CD58: variants seen among roughly 807,000 people sequenced by gnomAD.
The protein encoded by CD58 is lymphocyte function-associated antigen 3.
CD58 carries 14 observed loss-of-function variants against 27.6 expected under a neutral mutation model. That is an observed-to-expected ratio of 0.51 (90% CI 0.34 to 0.79). CD58 has a LOEUF of 0.79. Ranked by LOEUF, CD58 falls within the 30% of genes least tolerant of loss-of-function variation. CD58 has a pLI of 0.02. For synonymous variants in CD58, 117 were observed against 103.8 expected (o/e 1.13, Z -0.77); for missense variants, 268 against 301.7 (o/e 0.89, Z 0.83).
At position 116,559,706 on chromosome 1, in the gene CD58, C is replaced by T. The variant is rs1016940923; in HGVS notation, c.70+11197G>A. Among the ~76,000 whole-genome samples the T allele has an allele frequency of 1.3e-5, 2 of 152,148 alleles. No individual in the cohort carries two copies. Among genetic ancestry groups the T allele is most frequent in the Non-Finnish European group, 1.5e-5 (1 of 68,038 alleles). On this transcript the variant is annotated intron_variant, in intron 1 of 5. Coordinates refer to ENST00000369489, the MANE Select transcript of CD58 (RefSeq NM_001779.3). This position sits in a 1 kb window ranked among gnomAD's most constrained non-coding sequence, Gnocchi z 4.4. ...GCTCTCAGCTGTCAATCTGCCTCCT[C>T]GATAAGTTCATCAAGAATTAAGATG...
chr1:116,543,835 T>G (rs1658069644), intron 2 of CD58, among the ~76,000 whole-genome samples: 1 of 152,074 alleles, frequency 6.6e-6, no homozygotes, highest in Non-Finnish European at 1.5e-5. Flanking sequence ...GACAGTAAAA[T>G]CACTTTGAAC....
chr1:116,552,688 A>G lies in CD58; in HGVS notation c.71-8084T>C, dbSNP rs1658431743. ...CTTTATTCTTTTTAATAACTACATA[A>G]TATTCCAGAGCATGAGGGAACCATA... is the stretch of plus-strand genomic sequence containing the variant. On this transcript the variant is annotated intron_variant, in intron 1 of 5. Transcript: ENST00000369489. The surrounding 1 kb of genome is among the most constrained non-coding windows in gnomAD (Gnocchi z 4.5). Among the ~76,000 whole-genome samples, 1 of 152,164 alleles carries G rather than the reference A, an allele frequency of 6.6e-6. No individual in the cohort carries two copies. Among genetic ancestry groups the G allele is most frequent in the Non-Finnish European group, 1.5e-5 (1 of 68,028 alleles).
rs149194563 is a variant in CD58, at chr1:116,536,896, A to G, written c.365-668T>C. Among the ~76,000 whole-genome samples, 2 of 152,318 alleles carry G rather than the reference A, an allele frequency of 1.3e-5. No homozygotes were observed. Among genetic ancestry groups the G allele is most frequent in the Non-Finnish European group, 2.9e-5 (2 of 68,024 alleles). On this transcript the variant is annotated intron_variant, in intron 2 of 5. Coordinates refer to ENST00000369489, the MANE Select transcript of CD58 (RefSeq NM_001779.3). The surrounding 1 kb of genome is among the most constrained non-coding windows in gnomAD (Gnocchi z 5.4). ...AGCTGCAAATCCTGACCTGACCTGA[A>G]TTAACACAAGGATTTGAGTCTTTCT...
rs963863552 is a variant in CD58 at position 116,527,284 on chromosome 1, C to A, written c.629-5301G>T. On this transcript the variant is annotated intron_variant, in intron 3 of 5. Coordinates refer to ENST00000369489, the MANE Select transcript of CD58 (RefSeq NM_001779.3). This position sits in a 1 kb window ranked among gnomAD's most constrained non-coding sequence, Gnocchi z 4.4. ...TAGTTGGAAAGCTTCAAGTTTCTCA[C>A]CATTACAGATGATGTTAGCTGCAGG... Among the ~76,000 whole-genome samples the A allele has an allele frequency of 6.6e-6, 1 of 152,190 alleles. No individual in the cohort carries two copies. The highest frequency in any genetic ancestry group is 2.4e-5 in the African/African-American group (1 of 41,438).
At position 116,570,545 on chromosome 1, in the gene CD58, C is replaced by G. The variant is rs1414766216; in HGVS notation, c.70+358G>C. Among the ~76,000 whole-genome samples the G allele has an allele frequency of 6.6e-6, 1 of 152,030 alleles. No homozygotes were observed. The highest frequency in any genetic ancestry group is 1.5e-5 in the Non-Finnish European group (1 of 67,964). On this transcript the variant is annotated intron_variant, in intron 1 of 5. Transcript: ENST00000369489. This position sits in a 1 kb window ranked among gnomAD's most constrained non-coding sequence, Gnocchi z 6.4. Reference sequence around the variant, plus strand: ...GCGTTCACGGCTGGGAAAAATTTTGCAGTCCGCTGAAGCGCTCAGCGACGT... The same window carrying G: ...GCGTTCACGGCTGGGAAAAATTTTGGAGTCCGCTGAAGCGCTCAGCGACGT...
At chr1:116,562,253 T>C (rs1658780877) in intron 1 of CD58, among the ~76,000 whole-genome samples, 2 of 152,222 alleles carry the variant, frequency 1.3e-5, no homozygotes, top group South Asian at 2.1e-4. Flanking sequence ...ATGCAGATAG[T>C]TGGCAATAAA....
Position 116,536,232 on chromosome 1 carries a change from G to GA in CD58, c.365-5dup, listed in dbSNP as rs561957680. 3.1e-5 allele frequency: 49 copies of GA among 1,586,762 alleles called. No individual in the cohort carries two copies. The highest frequency in any genetic ancestry group is 3.4e-4 in the Middle Eastern group (2 of 5,942). On this transcript the variant is annotated splice_polypyrimidine_tract_variant and splice_region_variant and intron_variant, in intron 2 of 5. Coordinates refer to ENST00000369489, the MANE Select transcript of CD58 (RefSeq NM_001779.3). The surrounding 1 kb of genome is among the most constrained non-coding windows in gnomAD (Gnocchi z 5.4). ...AGTGTGGGAGATGGAAGAGACTCTG[G>GA]AAAAAAAAGTATAATATTTAGTACA...
chr1:116,561,907 G>C (rs1321793085), intron 1 of CD58, among the ~76,000 whole-genome samples: 2 of 152,214 alleles, frequency 1.3e-5, no homozygotes, highest in African/African-American at 4.8e-5. Context: ...TCCTGGCACA[G>C]AGCAGGTACT....
rs1200599562 is a variant in CD58, at chr1:116,559,780, C to T, written c.70+11123G>A. Among the ~76,000 whole-genome samples the T allele has an allele frequency of 6.6e-6, 1 of 152,172 alleles. No individual in the cohort carries two copies. The highest frequency in any genetic ancestry group is 6.5e-5 in the Admixed American group (1 of 15,282). ...TCTGTACTTTCCTTCTAATATGATG[C>T]TAAAATAGTTTCCTTTTTAATTCTT... On this transcript the variant is annotated intron_variant, in intron 1 of 5. Coordinates refer to ENST00000369489, the MANE Select transcript of CD58 (RefSeq NM_001779.3). The surrounding 1 kb of genome is among the most constrained non-coding windows in gnomAD (Gnocchi z 4.4).
In CD58 at chr1:116,527,599, C is replaced by T. The variant is rs1657469983; in HGVS notation, c.629-5616G>A. Reference sequence around the variant, plus strand: ...TTTGCTAATATTTTGTTTAAGGTTTCTACATGTATGTTCATGAGAAATATT... The same window carrying T: ...TTTGCTAATATTTTGTTTAAGGTTTTTACATGTATGTTCATGAGAAATATT... On this transcript the variant is annotated intron_variant, in intron 3 of 5. Transcript: ENST00000369489. The surrounding 1 kb of genome is among the most constrained non-coding windows in gnomAD (Gnocchi z 4.4). 6.6e-6 allele frequency among the ~76,000 whole-genome samples: 1 copy of T among 152,130 alleles called. No homozygotes were observed. Among genetic ancestry groups the T allele is most frequent in the Non-Finnish European group, 1.5e-5 (1 of 68,014 alleles).
intron 3 of CD58, among the ~76,000 whole-genome samples, chr1:116,525,894 G>A (rs868216820): frequency 1.2e-4 from 19 of 152,078 alleles, no homozygotes; most frequent in African/African-American, 2.7e-4. Context: ...CAGGTGATCC[G>A]CCTGCCTCGG....
chr1:116,558,128 C>G (rs1326476962), intron 1 of CD58, among the ~76,000 whole-genome samples: 1 of 134,826 alleles, frequency 7.4e-6, no homozygotes, highest in African/African-American at 2.8e-5. Context: ...CAGATTTTAG[C>G]AGGTAAAGTA....
rs986076614 is a variant in CD58 at position 116,570,408 on chromosome 1, T to C, written c.70+495A>G. ...CTCGCTGTGGGGCGATTCTGAAAAGTCCTCTCTGCTGATACGGCGGACGCC... is the reference window on the plus strand; with the variant it reads ...CTCGCTGTGGGGCGATTCTGAAAAGCCCTCTCTGCTGATACGGCGGACGCC... On this transcript the variant is annotated intron_variant, in intron 1 of 5. Coordinates refer to ENST00000369489, the MANE Select transcript of CD58 (RefSeq NM_001779.3). This position sits in a 1 kb window ranked among gnomAD's most constrained non-coding sequence, Gnocchi z 6.4. Among the ~76,000 whole-genome samples the C allele has an allele frequency of 6.6e-6, 1 of 152,024 alleles. No individual in the cohort carries two copies. Among genetic ancestry groups the C allele is most frequent in the Non-Finnish European group, 1.5e-5 (1 of 67,980 alleles).
At chr1:116,526,153 T>G (rs900059583) in intron 3 of CD58, among the ~76,000 whole-genome samples, 1 of 152,250 alleles carries the variant, frequency 6.6e-6, no homozygotes, top group African/African-American at 2.4e-5. Context: ...GCTTGGCTTC[T>G]CATTCTCTTG....
chr1:116,553,829 G>A (rs572277774), intron 1 of CD58, among the ~76,000 whole-genome samples: 2 of 152,186 alleles, frequency 1.3e-5, no homozygotes, highest in Non-Finnish European at 2.9e-5. Flanking sequence ...TTGGACCTGT[G>A]CTTTAAAGCT....
chr1:116,568,474 T>C (rs1012778870), intron 1 of CD58, among the ~76,000 whole-genome samples: 25 of 152,204 alleles, frequency 1.6e-4, no homozygotes, highest in African/African-American at 5.8e-4. Context: ...ACGACTTCCA[T>C]CACCCCTTTC....
intron 3 of CD58, among the ~76,000 whole-genome samples, chr1:116,529,791 T>C (rs930611288): frequency 2.6e-5 from 4 of 152,212 alleles, no homozygotes; most frequent in African/African-American, 9.7e-5. Context: ...GTCCTCAATC[T>C]TAACTGTCTC....
At position 116,563,331 on chromosome 1, in the gene CD58, G is replaced by A. The variant is rs1373934471; in HGVS notation, c.70+7572C>T. 6.6e-6 allele frequency among the ~76,000 whole-genome samples: 1 copy of A among 151,680 alleles called. No homozygotes were observed. The highest frequency in any genetic ancestry group is 2.0e-4 in the East Asian group (1 of 5,112). ...CATGAGCTGGCATTAAGTGTCTGTG[G>A]CTTTTCCAGGTACACGGTGCAAGCT... is the stretch of plus-strand genomic sequence containing the variant. On this transcript the variant is annotated intron_variant, in intron 1 of 5. Coordinates refer to ENST00000369489, the MANE Select transcript of CD58 (RefSeq NM_001779.3). This position sits in a 1 kb window ranked among gnomAD's most constrained non-coding sequence, Gnocchi z 4.1.
At position 116,534,530 on chromosome 1, in the gene CD58, G is replaced by T. The variant is rs1311095187; in HGVS notation, c.628+1435C>A. Among the ~76,000 whole-genome samples, 1 of 152,166 alleles carries T rather than the reference G, an allele frequency of 6.6e-6. No individual in the cohort carries two copies. Among genetic ancestry groups the T allele is most frequent in the East Asian group, 1.9e-4 (1 of 5,176 alleles). ...ACGCCTCCTCCGCTGGGCCGCCGGC[G>T]AGGAAGCCGCCCGCAGCGCAGAACA... On this transcript the variant is annotated intron_variant, in intron 3 of 5. Transcript: ENST00000369489. The surrounding 1 kb of genome is among the most constrained non-coding windows in gnomAD (Gnocchi z 5.3).
Sources: gnomAD v4.1 joint callset for allele counts (sites outside exome capture counted in the v4.1 genomes callset) on GRCh38, gnomAD v4.1.1 for gene constraint, Gnocchi (gnomAD v3.1) non-coding constraint, MANE v1.5 for transcripts, NCBI Gene and HGNC (gene_info 2026-07-23, HGNC 2026-07-21) for gene names.